Variants in NRXN3 observed in about 807,000 individuals in gnomAD.
NRXN3 encodes the protein neurexin III.
A neutral mutation model predicts 137.6 loss-of-function variants in NRXN3; 32 were observed. The ratio of observed to expected loss-of-function variants is 0.23; its 90% CI spans 0.18 to 0.31. The LOEUF is 0.31. Among genes scored for constraint, NRXN3 ranks in the 10% least tolerant of loss-of-function variants. The probability of loss-of-function intolerance (pLI) is 1.00; values close to 1 mark genes in which losing one functional copy is unlikely to be tolerated. For missense variants in NRXN3, 1,574 were observed against 2,062.5 expected (o/e 0.76, Z 4.59); for synonymous variants, 798 against 784.5 (o/e 1.02, Z -0.29).
chr14:78,534,955 G>A (rs1009037133), intron 4 of NRXN3, among the ~76,000 whole-genome samples: 4 of 152,046 alleles, frequency 2.6e-5, no homozygotes, highest in African/African-American at 7.2e-5. Flanking sequence ...TTCCCCTTCC[G>A]CATATGTGTA....
chr14:78,303,315 T>C (rs1420211012), intron 4 of NRXN3, among the ~76,000 whole-genome samples: 1 of 152,192 alleles, frequency 6.6e-6, no homozygotes, highest in African/African-American at 2.4e-5. Context: ...TAACAATTTA[T>C]ATGGAAGTTA....
At chr14:78,202,081 T>C (rs1204716444) in intron 1 of NRXN3, among the ~76,000 whole-genome samples, 1 of 152,018 alleles carries the variant, frequency 6.6e-6, no homozygotes, top group Non-Finnish European at 1.5e-5. Flanking sequence ...GAAACTCCCA[T>C]AGCTGCCATG....
At chr14:78,778,411 C>A (rs1390188973) in intron 8 of NRXN3, among the ~76,000 whole-genome samples, 1 of 152,084 alleles carries the variant, frequency 6.6e-6, no homozygotes, top group African/African-American at 2.4e-5. Context: ...TTCCTTGGTG[C>A]AGTTAATTTT....
intron 9 of NRXN3, among the ~76,000 whole-genome samples, chr14:78,807,734 C>CAAAAAAAAAAAAAAA (rs144921592): frequency 9.0e-6 from 1 of 111,726 alleles, no homozygotes; most frequent in African/African-American, 3.2e-5. Flanking sequence ...GATTCTGTCT[C>CAAAAAAAAAAAAAAA]AAAAAAAAAA....
Position 79,154,821 on chromosome 14 carries a change from G to A in NRXN3, c.3262+166680G>A, listed in dbSNP as rs552864008. On this transcript the variant is annotated intron_variant, in intron 15 of 20. Coordinates refer to ENST00000335750, the MANE Select transcript of NRXN3 (RefSeq NM_001330195.2). ...ATGACTATTTTTATGGTAATGAAAC[G>A]TAATCCAATGCAACTTCGTATATGT... 1.2e-3 allele frequency among the ~76,000 whole-genome samples: 176 copies of A among 152,020 alleles called. 1 individual carries two copies. The highest frequency in any genetic ancestry group is 2.9e-3 in the African/African-American group (122 of 41,522).
chr14:79,291,335 C>G (rs980693187), intron 15 of NRXN3, among the ~76,000 whole-genome samples: 3 of 151,924 alleles, frequency 2.0e-5, no homozygotes, highest in Non-Finnish European at 4.4e-5. Context: ...CGTTATAGTT[C>G]ATTTAATTCT....
rs8006190 is a variant in NRXN3, at chr14:78,599,280, G to A, written c.758-45840G>A. Among the ~76,000 whole-genome samples the A allele has an allele frequency of 4.6e-4, 70 of 152,310 alleles. 1 individual carries two copies. The South Asian group carries it at 7.2e-3, about 16-fold the overall frequency. On this transcript the variant is annotated intron_variant, in intron 4 of 20. Transcript: ENST00000335750. ...GAAGAGGGCATCTTTGAAACCTAGC[G>A]GCTTTCCACCTACAGACATTTAGAA...
chr14:79,758,364 AG>A (rs1361156317), intron 19 of NRXN3, among the ~76,000 whole-genome samples: 4 of 152,170 alleles, frequency 2.6e-5, no homozygotes, highest in African/African-American at 9.7e-5. Flanking sequence ...TCATGGCAGA[AG>A]GGGAAGGAGA....
intron 4 of NRXN3, among the ~76,000 whole-genome samples, chr14:78,482,242 G>A (rs2095485942): frequency 6.6e-6 from 1 of 152,154 alleles, no homozygotes; most frequent in Admixed American, 6.6e-5. Flanking sequence ...AGGAAACGGA[G>A]GCTATTCAAA....
In NRXN3 at chr14:79,467,999, A is replaced by T. The variant is rs550881451; in HGVS notation, c.3444+597A>T. ...ACCCCTGTCCTAGGCTTCAAGCATC[A>T]CTGTAAGAGATGTAATAAATGTGTG... On this transcript the variant is annotated intron_variant, in intron 16 of 20. Transcript: ENST00000335750. 5.0e-4 allele frequency among the ~76,000 whole-genome samples: 76 copies of T among 152,338 alleles called. 1 individual carries two copies. The highest frequency in any genetic ancestry group is 8.2e-4 in the Non-Finnish European group (56 of 68,038).
intron 4 of NRXN3, among the ~76,000 whole-genome samples, chr14:78,403,122 G>A (rs1290763886): frequency 1.3e-5 from 2 of 152,178 alleles, no homozygotes; most frequent in African/African-American, 2.4e-5. Context: ...GGAAGGCTAT[G>A]TTTTGGATCT....
intron 10 of NRXN3, among the ~76,000 whole-genome samples, chr14:78,914,936 A>G (rs1341383322): frequency 6.6e-6 from 1 of 152,160 alleles, no homozygotes. Flanking sequence ...TGTTCAAGTA[A>G]GCCTCTTTCT....
At chr14:79,126,474 T>A (rs1211473878) in intron 15 of NRXN3, among the ~76,000 whole-genome samples, 1 of 152,082 alleles carries the variant, frequency 6.6e-6, no homozygotes, top group African/African-American at 2.4e-5. Flanking sequence ...GATTTCCAAT[T>A]TCATCCATGT....
chr14:79,373,128 G>A (rs1176910730), intron 15 of NRXN3, among the ~76,000 whole-genome samples: 6 of 152,080 alleles, frequency 3.9e-5, no homozygotes, highest in Admixed American at 2.0e-4. Context: ...ATTCTGATAT[G>A]CCATGCTCAT....
intron 1 of NRXN3, among the ~76,000 whole-genome samples, chr14:78,179,042 G>T (rs1331342118): frequency 6.6e-6 from 1 of 152,192 alleles, no homozygotes; most frequent in African/African-American, 2.4e-5. Context: ...CTGGAGGGGT[G>T]CTGGTTCTGG....
intron 4 of NRXN3, among the ~76,000 whole-genome samples, chr14:78,339,886 G>C (rs1391089442): frequency 6.6e-6 from 1 of 152,160 alleles, no homozygotes; most frequent in African/African-American, 2.4e-5. Flanking sequence ...TTGAATTTCA[G>C]TGCTCCTTCT....
intron 15 of NRXN3, among the ~76,000 whole-genome samples, chr14:79,126,325 C>CTA (rs1208321631): frequency 6.7e-6 from 1 of 148,540 alleles, no homozygotes; most frequent in African/African-American, 2.5e-5. Flanking sequence ...TCCCTCCCCC[C>CTA]CGCCCCACCC....
At chr14:78,850,420 A>G (rs1567508787) in intron 10 of NRXN3, among the ~76,000 whole-genome samples, 1 of 152,164 alleles carries the variant, frequency 6.6e-6, no homozygotes, top group Admixed American at 6.6e-5. Flanking sequence ...AAAACTAACC[A>G]TAGTACATTT....
intron 2 of NRXN3, among the ~76,000 whole-genome samples, chr14:78,257,063 G>C (rs1291003232): frequency 6.6e-6 from 1 of 152,186 alleles, no homozygotes; most frequent in Non-Finnish European, 1.5e-5. Flanking sequence ...GGCTCTGAGG[G>C]CTTCATGGGG....
Sources: allele counts gnomAD v4.1 joint callset (sites outside exome capture counted in the v4.1 genomes callset), GRCh38; gene constraint gnomAD v4.1.1; transcripts MANE v1.5; gene names NCBI Gene and HGNC (gene_info 2026-07-23, HGNC 2026-07-21).